Variants in EEF2 observed in about 807,000 individuals in gnomAD.
The protein encoded by EEF2 is elongation factor 2.
Under a neutral mutation model 85.3 loss-of-function variants are expected in EEF2, and 21 were observed. The ratio of observed to expected loss-of-function variants is 0.25; its 90% CI spans 0.17 to 0.35. The LOEUF (loss-of-function observed/expected upper bound fraction) is 0.35. EEF2 is among the 10% of genes least tolerant of loss of function. The pLI is 1.00. For synonymous variants in EEF2, 723 were observed against 508.8 expected, an observed-to-expected ratio of 1.42 and a Z score of -5.67; for missense variants, 825 against 1,225.3, an observed-to-expected ratio of 0.67 and a Z score of 4.88.
chr19:3,985,145 C>T (rs908701468), intron 1 of EEF2: 3 of 420,586 alleles, frequency 7.1e-6, no homozygotes, highest in Non-Finnish European at 1.3e-5. Flanking sequence ...AACAACCCAG[C>T]TCCAACCAGG....
rs375466156 is a variant in EEF2, at chr19:3,984,364, G to A, written c.4-14C>T. On this transcript the variant is annotated splice_polypyrimidine_tract_variant and intron_variant, in intron 1 of 14. Coordinates refer to ENST00000309311, the MANE Select transcript of EEF2 (RefSeq NM_001961.4). ...CGTGAAGTTCACCTGGGCAAGACAA[G>A]GAGGCTCAGACCAGCTCGTGATTTC... The A allele has an allele frequency of 1.2e-6, 2 of 1,612,924 alleles. No individual in the cohort carries two copies. Among genetic ancestry groups the A allele is most frequent in the East Asian group, 2.2e-5 (1 of 44,854 alleles).
intron 10 of EEF2, among the ~76,000 whole-genome samples, 154 bp downstream of exon 10, chr19:3,979,654 C>A (rs2039721177): frequency 6.6e-6 from 1 of 152,224 alleles, no homozygotes; most frequent in Admixed American, 6.5e-5. Context: ...GCTGCCTGGG[C>A]AGGAGTCTCC....
At position 3,979,402 on chromosome 19, in the gene EEF2, G is replaced by A. The variant is rs754598854; in HGVS notation, c.1640C>T (p.Ala547Val). ...CTCCAGGTGCAGCTCGCCGGCGCCCGCGATGATATGCTCTCCCGACTCCTC... is the reference window on the plus strand; with the variant it reads ...CTCCAGGTGCAGCTCGCCGGCGCCCACGATGATATGCTCTCCCGACTCCTC... ...IIEESGEHII[A>V]GAGELHLEIC... The change falls in exon 11 of 15, where the codon GCG becomes GTG. Residue 547 changes from alanine (A) to valine (V), a missense_variant. Transcript: ENST00000309311. 6 of 1,613,900 alleles carry A rather than the reference G, an allele frequency of 3.7e-6. No individual in the cohort carries two copies. In the East Asian group the frequency reaches 6.7e-5, roughly 18 times the overall value.
At chr19:3,985,301 C>G in intron 1 of EEF2, 77 bp downstream of exon 1, 1 of 1,326,528 alleles carries the variant, frequency 7.5e-7, no homozygotes, top group South Asian at 2.0e-5. Flanking sequence ...GGGGCCCCAG[C>G]GTCCCAGGCT....
Position 3,981,416 on chromosome 19 carries a change from T to C in EEF2, c.934A>G (p.Thr312Ala). 3 of 1,614,158 alleles carry C rather than the reference T, an allele frequency of 1.9e-6. No homozygotes were observed. Among genetic ancestry groups the C allele is most frequent in the Non-Finnish European group, 1.7e-6 (2 of 1,180,034 alleles). The change falls in exon 7 of 15, where the codon ACA becomes GCA. Residue 312 changes from threonine (T) to alanine (A), a missense_variant. Transcript: ENST00000309311. The part of the protein sequence containing the change: ...DAIMNFKKEE[T>A]AKLIEKLDIK... ...TCCAGTTTCTCTATCAGTTTTGCTGTCTCCTCTTTCTTGAAATTCATGATC... is the reference window on the plus strand; with the variant it reads ...TCCAGTTTCTCTATCAGTTTTGCTGCCTCCTCTTTCTTGAAATTCATGATC...
intron 1 of EEF2, 104 bp from the exon 2 acceptor site, chr19:3,984,454 G>T (rs1279978347): frequency 3.1e-6 from 4 of 1,296,392 alleles, no homozygotes; most frequent in African/African-American, 1.4e-5. Context: ...GCCAGGAGGG[G>T]GTTGGTGCTG....
chr19:3,976,589 T>G lies in EEF2; in HGVS notation c.2542A>C (p.Ile848Leu), dbSNP rs1269168669. The part of the protein sequence containing the change: ...TRKRKGLKEG[I>L]PALDNFLDKL The stretch of plus-strand genomic sequence containing the variant: ...TCCAGGAAGTTGTCCAGGGCAGGGA[T>G]GCCTTCTTTCAGGCCCTTGCGCTTG... The change falls in exon 15 of 15, where the codon ATC (isoleucine) becomes CTC (leucine). Residue 848 changes from isoleucine to leucine, a missense_variant. By Grantham distance (5) the Ile-to-Leu change is conservative. Transcript: ENST00000309311. 1.2e-6 allele frequency: 2 copies of G among 1,610,542 alleles called. No homozygotes were observed. Among genetic ancestry groups the G allele is most frequent in the Non-Finnish European group, 1.7e-6 (2 of 1,178,622 alleles).
Position 3,983,137 on chromosome 19 carries a change from C to T in EEF2, c.373G>A (p.Ala125Thr), listed in dbSNP as rs2039776790. Residue 125 changes from alanine (A) to threonine (T), a missense_variant, in exon 3 of 15, where the codon GCA becomes ACA. Ala to Thr is a moderately conservative substitution (Grantham distance 58). Coordinates refer to ENST00000309311, the MANE Select transcript of EEF2 (RefSeq NM_001961.4). Reference sequence around the variant, plus strand: ...GACACGCAGTCCACCACCACCAATGCGCCATCGGTGACTCGGAGGGCAGCA... The same window carrying T: ...GACACGCAGTCCACCACCACCAATGTGCCATCGGTGACTCGGAGGGCAGCA... ...VTAALRVTDG[A>T]LVVVDCVSGV... The T allele has an allele frequency of 1.9e-6, 3 of 1,614,050 alleles. No homozygotes were observed. The highest frequency in any genetic ancestry group is 1.7e-6 in the Non-Finnish European group (2 of 1,180,000).
intron 6 of EEF2, 52 bp downstream of exon 6, chr19:3,981,895 G>A (rs544922731): frequency 3.8e-6 from 6 of 1,562,978 alleles, no homozygotes; most frequent in African/African-American, 2.7e-5. Flanking sequence ...AGCCCACAGG[G>A]CCGAGGGCCA....
intron 11 of EEF2, among the ~76,000 whole-genome samples, chr19:3,978,816 A>ATAAAT (rs199882287): frequency 0.07 from 8,825 of 125,908 alleles, 761 homozygotes; most frequent in South Asian, 0.17. Context: ...AAAAAAAAAA[A>ATAAAT]AAAAAAAAAA....
intron 5 of EEF2, 35 bp downstream of exon 5, chr19:3,982,211 G>A (rs1300427164): frequency 2.5e-6 from 4 of 1,611,002 alleles, no homozygotes; most frequent in Admixed American, 3.3e-5. Flanking sequence ...ACCCCCAGGT[G>A]TCAGGAATCC....
chr19:3,985,247 C>T (rs1049375626), intron 1 of EEF2, 131 bp downstream of exon 1: 11 of 1,064,614 alleles, frequency 1.0e-5, no homozygotes, highest in African/African-American at 1.7e-5. Context: ...TCCCCAGCCC[C>T]GGGTCCTCCG....
chr19:3,977,358 GGAAA>G lies in EEF2; in HGVS notation c.2251-15_2251-12del. ...CACCTGCTCTGGACACTGCCAGAAG[GGAAA>G]GAAAACCTGTCAGTGGCCGCTGGGC... On this transcript the variant is annotated splice_polypyrimidine_tract_variant and intron_variant, in intron 13 of 14. Coordinates refer to ENST00000309311, the MANE Select transcript of EEF2 (RefSeq NM_001961.4). The surrounding 1 kb of genome is among the most constrained non-coding windows in gnomAD (Gnocchi z 5.4). The G allele has an allele frequency of 6.3e-7, 1 of 1,591,002 alleles. No homozygotes were observed. The highest frequency in any genetic ancestry group is 8.6e-7 in the Non-Finnish European group (1 of 1,169,164).
chr19:3,985,323 GC>G, intron 1 of EEF2, 54 bp downstream of exon 1: 1 of 1,414,878 alleles, frequency 7.1e-7, no homozygotes, highest in Non-Finnish European at 9.3e-7. Context: ...GGCAGCGTAG[GC>G]CCCGCGGAGG....
At chr19:3,982,214 A>G in intron 5 of EEF2, 32 bp downstream of exon 5, 1 of 1,611,366 alleles carries the variant, frequency 6.2e-7, no homozygotes, top group Non-Finnish European at 8.5e-7. Flanking sequence ...CCCAGGTGTC[A>G]GGAATCCCCC....
intron 1 of EEF2, 178 bp downstream of exon 1, chr19:3,985,200 G>T (rs1443448290): frequency 3.1e-6 from 2 of 639,490 alleles, no homozygotes; most frequent in Non-Finnish European, 4.7e-6. Context: ...AAAGGGCTCG[G>T]TGAACAGCGC....
chr19:3,982,151 G>C, intron 5 of EEF2, 95 bp downstream of exon 5: 1 of 1,596,784 alleles, frequency 6.3e-7, no homozygotes, highest in East Asian at 2.2e-5. Flanking sequence ...GACCTGGTGG[G>C]CTTGAGCCAC....
rs780192260 is a variant in EEF2 at position 3,984,225 on chromosome 19, C to T, written c.129G>A (p.Ala43=). 9 of 1,614,020 alleles carry T rather than the reference C, an allele frequency of 5.6e-6. No individual in the cohort carries two copies. The highest frequency in any genetic ancestry group is 4.0e-5 in the African/African-American group (3 of 74,922). Residue 43 remains alanine, a synonymous_variant, in exon 2 of 15, where the codon GCG becomes GCA. Coordinates refer to ENST00000309311, the MANE Select transcript of EEF2 (RefSeq NM_001961.4). The stretch of plus-strand genomic sequence containing the variant: ...CGGCCCGGGCCGAGGCGATGATGCC[C>T]GCCTTGCACACCAGGGAGTCTGTCA... ...STLTDSLVCK[A]GIIASARAGE...
chr19:3,982,163 C>T (rs1026523729), intron 5 of EEF2, 83 bp downstream of exon 5: 1 of 1,599,516 alleles, frequency 6.3e-7, no homozygotes, highest in African/African-American at 1.3e-5. Flanking sequence ...TTGAGCCACG[C>T]TGTGAATAGC....
Sources: gnomAD v4.1 joint callset for allele counts (sites outside exome capture counted in the v4.1 genomes callset) on GRCh38, gnomAD v4.1.1 for gene constraint, Gnocchi (gnomAD v3.1) non-coding constraint, MANE v1.5 for transcripts, NCBI Gene and HGNC (gene_info 2026-07-23, HGNC 2026-07-21) for gene names.